Variants in KALRN observed in about 807,000 individuals in gnomAD.
The protein encoded by KALRN is kalirin.
KALRN carries 70 observed loss-of-function variants against 353.7 expected under a neutral mutation model. That is an observed-to-expected ratio of 0.20 (90% confidence interval 0.16 to 0.24). The LOEUF (loss-of-function observed/expected upper bound fraction) is 0.24. Among genes scored for constraint, KALRN ranks in the 10% least tolerant of loss-of-function variants. The pLI, the probability that KALRN is intolerant of heterozygous loss-of-function variation, is 1.00. For synonymous variants in KALRN, 1,391 were observed against 1,434.8 expected, an observed-to-expected ratio of 0.97 and a Z score of 0.69; for missense variants, 2,791 against 3,756.7, an observed-to-expected ratio of 0.74 and a Z score of 6.72.
chr3:124,298,992 C>T, intron 6 of KALRN, 79 bp downstream of exon 6: 1 of 1,565,966 alleles, frequency 6.4e-7, no homozygotes, highest in East Asian at 2.2e-5. Context: ...CAGAAACAGA[C>T]TTTCCACCCG....
At chr3:124,327,874 A>C (rs966751527) in intron 7 of KALRN, among the ~76,000 whole-genome samples, 2 of 152,220 alleles carry the variant, frequency 1.3e-5, no homozygotes, top group African/African-American at 2.4e-5. Context: ...AGACACATGG[A>C]TTCTGATCCC....
At chr3:124,651,203 C>T (rs2083378051) in intron 38 of KALRN, among the ~76,000 whole-genome samples, 1 of 152,158 alleles carries the variant, frequency 6.6e-6, no homozygotes, top group African/African-American at 2.4e-5. Flanking sequence ...AAATTTAAAA[C>T]ATAGTGATAA....
At chr3:124,166,622 G>C (rs1188916785) in intron 1 of KALRN, among the ~76,000 whole-genome samples, 1 of 152,130 alleles carries the variant, frequency 6.6e-6, no homozygotes, top group Admixed American at 6.5e-5. Flanking sequence ...CCAGGAGTCC[G>C]TTCAGCATAT....
At chr3:124,123,199 CA>C (rs4048341) in intron 1 of KALRN, among the ~76,000 whole-genome samples, 1 of 143,660 alleles carries the variant, frequency 7.0e-6, no homozygotes, top group African/African-American at 2.6e-5. Flanking sequence ...GACTCCATCT[CA>C]AAAAAAAAAA....
intron 6 of KALRN, among the ~76,000 whole-genome samples, chr3:124,305,637 C>G (rs1363577301): frequency 6.6e-6 from 1 of 152,186 alleles, no homozygotes; most frequent in African/African-American, 2.4e-5. Flanking sequence ...GTGAGCCTAT[C>G]CAATGCTGTA....
chr3:124,365,077 T>A (rs1323499211), intron 10 of KALRN, among the ~76,000 whole-genome samples: 1 of 152,218 alleles, frequency 6.6e-6, no homozygotes, highest in Non-Finnish European at 1.5e-5. Flanking sequence ...TGTGCTACTG[T>A]CACCCTTCAT....
At chr3:124,138,251 A>G (rs1215912453) in intron 1 of KALRN, among the ~76,000 whole-genome samples, 1 of 152,164 alleles carries the variant, frequency 6.6e-6, no homozygotes, top group East Asian at 1.9e-4. Flanking sequence ...CTGGATCACC[A>G]TTAGACATCA....
intron 1 of KALRN, among the ~76,000 whole-genome samples, chr3:124,226,262 C>T (rs892182363): frequency 3.3e-5 from 5 of 152,100 alleles, no homozygotes; most frequent in African/African-American, 1.2e-4. Flanking sequence ...TATATTGATC[C>T]TAATTAGCCT....
intron 34 of KALRN, among the ~76,000 whole-genome samples, chr3:124,563,450 C>T (rs1293876119): frequency 6.6e-6 from 1 of 152,202 alleles, no homozygotes; most frequent in Non-Finnish European, 1.5e-5. Flanking sequence ...CCTTTCTCCA[C>T]TGACCCACTC....
chr3:124,413,672 G>T lies in KALRN; in HGVS notation c.2542+7G>T, dbSNP rs568928108. 6.2e-7 allele frequency: 1 copy of T among 1,610,712 alleles called. No homozygotes were observed. The highest frequency in any genetic ancestry group is 2.2e-5 in the East Asian group (1 of 44,800). On this transcript the variant is annotated splice_region_variant and intron_variant, in intron 14 of 59. Coordinates refer to ENST00000682506, the MANE Select transcript of KALRN (RefSeq NM_001388419.1). Reference sequence around the variant, plus strand: ...ACGGAGGTCCAGGCATCAGGTGGGTGACCTCGCTCATTCTCCTGGCAGAGG... The same window carrying T: ...ACGGAGGTCCAGGCATCAGGTGGGTTACCTCGCTCATTCTCCTGGCAGAGG...
Position 124,384,834 on chromosome 3 carries a change from G to T in KALRN, c.1771-11G>T, listed in dbSNP as rs756782445. The T allele has an allele frequency of 6.4e-7, 1 of 1,571,016 alleles. No homozygotes were observed. Among genetic ancestry groups the T allele is most frequent in the South Asian group, 1.2e-5 (1 of 84,764 alleles). ...TGCAACTTGACTTTGCCTCACTGTTGTTGCTGGCAGAATACGTACACCAAT... is the reference window on the plus strand; with the variant it reads ...TGCAACTTGACTTTGCCTCACTGTTTTTGCTGGCAGAATACGTACACCAAT... On this transcript the variant is annotated splice_polypyrimidine_tract_variant and intron_variant, in intron 10 of 59. Coordinates refer to ENST00000682506, the MANE Select transcript of KALRN (RefSeq NM_001388419.1).
At chr3:124,455,417 T>C in intron 22 of KALRN, 58 bp downstream of exon 22, 1 of 1,488,126 alleles carries the variant, frequency 6.7e-7, no homozygotes, top group Non-Finnish European at 9.2e-7. Flanking sequence ...TGAGCACCAC[T>C]GCCCTCATCG....
At chr3:124,182,816 G>C (rs1260702400) in intron 1 of KALRN, among the ~76,000 whole-genome samples, 1 of 152,062 alleles carries the variant, frequency 6.6e-6, no homozygotes, top group African/African-American at 2.4e-5. Flanking sequence ...TTTATGCCTG[G>C]GTTCCAAGTG....
At chr3:124,612,022 T>TTTTTG (rs917111361) in intron 34 of KALRN, among the ~76,000 whole-genome samples, 4 of 151,996 alleles carry the variant, frequency 2.6e-5, no homozygotes, top group South Asian at 2.1e-4. Flanking sequence ...TAGTCAGTGT[T>TTTTTG]TTTTGTTTTG....
chr3:124,718,063 T>C (rs1051561079), intron 59 of KALRN, among the ~76,000 whole-genome samples: 15 of 151,728 alleles, frequency 9.9e-5, no homozygotes, highest in African/African-American at 1.7e-4. Flanking sequence ...CTGCCCGCCT[T>C]GGCCTCCCAA....
At chr3:124,079,464 G>T (rs1290280651) in intron 1 of KALRN, among the ~76,000 whole-genome samples, 3 of 152,112 alleles carry the variant, frequency 2.0e-5, no homozygotes, top group Admixed American at 2.0e-4. Flanking sequence ...ATTTTTAAAG[G>T]TATTAAACTG....
chr3:124,690,712 A>G (rs146894234), intron 51 of KALRN, among the ~76,000 whole-genome samples: 262 of 152,344 alleles, frequency 1.7e-3, no homozygotes, highest in African/African-American at 5.9e-3. Context: ...ATGGGGATAC[A>G]TAACATTTGC....
intron 8 of KALRN, among the ~76,000 whole-genome samples, chr3:124,330,381 G>C (rs569327427): frequency 1.9e-4 from 29 of 152,074 alleles, no homozygotes; most frequent in Admixed American, 1.7e-3. Context: ...TCTGGAGGTT[G>C]CTTTCTGGTT....
intron 27 of KALRN, among the ~76,000 whole-genome samples, chr3:124,481,019 A>G (rs1397134706): frequency 6.6e-6 from 1 of 152,190 alleles, no homozygotes; most frequent in East Asian, 1.9e-4. Context: ...GTATATACCT[A>G]GAACTTGAAT....
Sources: allele counts gnomAD v4.1 joint callset (sites outside exome capture counted in the v4.1 genomes callset), GRCh38; gene constraint gnomAD v4.1.1; transcripts MANE v1.5; gene names NCBI Gene and HGNC (gene_info 2026-07-23, HGNC 2026-07-21).